Variants in NSG1 observed in about 807,000 individuals in gnomAD.
The protein encoded by NSG1 is neuronal vesicle trafficking-associated protein 1.
Under a neutral mutation model 19.3 loss-of-function variants are expected in NSG1, and 9 were observed. The observed-to-expected ratio is 0.47, with a 90% CI of 0.28 to 0.81. The LOEUF (loss-of-function observed/expected upper bound fraction) is 0.81, where lower values mean the gene tolerates loss of function less well. Among genes scored for constraint, NSG1 ranks in the 40% least tolerant of loss-of-function variants. NSG1 has a pLI of 0.11. For synonymous variants in NSG1, 104 were observed against 107.0 expected (o/e 0.97, Z 0.17); for missense variants, 236 against 242.4 (o/e 0.97, Z 0.18).
At chr4:4,411,525 C>G (rs1313116941) in intron 4 of NSG1, among the ~76,000 whole-genome samples, 3 of 152,144 alleles carry the variant, frequency 2.0e-5, no homozygotes, top group Non-Finnish European at 2.9e-5. Context: ...GGGTGGATCA[C>G]CTGAGGTCAG....
At chr4:4,414,153 G>C (rs897794467) in intron 4 of NSG1, among the ~76,000 whole-genome samples, 6 of 152,064 alleles carry the variant, frequency 3.9e-5, no homozygotes, top group East Asian at 3.9e-4. Flanking sequence ...CAGGGAGGAG[G>C]GGGTGGCTAA....
chr4:4,415,553 C>T (rs747942035), intron 4 of NSG1, among the ~76,000 whole-genome samples: 1 of 151,944 alleles, frequency 6.6e-6, no homozygotes, highest in African/African-American at 2.4e-5. Context: ...CCTTCACCCC[C>T]TGGGGTGCTC....
intron 3 of NSG1, among the ~76,000 whole-genome samples, chr4:4,408,889 C>G (rs561265221): frequency 1.2e-4 from 18 of 152,346 alleles, no homozygotes; most frequent in African/African-American, 4.1e-4. Context: ...CAGGCTGTCC[C>G]CCTCCAAGCC....
In NSG1 at chr4:4,417,482, G is replaced by A; in HGVS notation, c.*47G>A. On this transcript the variant is annotated 3_prime_UTR_variant, in exon 5 of 5. Transcript: ENST00000621129. ...AATGTGTCACTTGCAAATAACAAAG[G>A]GACTTTGAGGGACATTTCATTAAAT... The A allele has an allele frequency of 6.7e-7, 1 of 1,497,754 alleles. No individual in the cohort carries two copies. The highest frequency in any genetic ancestry group is 9.3e-7 in the Non-Finnish European group (1 of 1,075,954). The allele number at this position is 1,497,754 out of a possible 1,614,324, so 92.8% of individuals were successfully genotyped here. A position where few individuals can be genotyped will look rare whatever the true frequency, so the allele number is the denominator to read the frequency against.
At chr4:4,388,381 C>T (rs1457329217) in intron 2 of NSG1, among the ~76,000 whole-genome samples, 2 of 152,216 alleles carry the variant, frequency 1.3e-5, no homozygotes, top group Non-Finnish European at 2.9e-5. Context: ...CTGGGAAAAA[C>T]CATTCATCAA....
intron 2 of NSG1, among the ~76,000 whole-genome samples, chr4:4,389,332 C>T (rs1013135070): frequency 6.6e-5 from 10 of 152,226 alleles, no homozygotes; most frequent in Non-Finnish European, 8.8e-5. Flanking sequence ...GCTCTCTCTG[C>T]AAGCGTCCGA....
intron 4 of NSG1, chr4:4,415,735 T>A (rs1386043278): frequency 2.5e-5 from 5 of 198,048 alleles, no homozygotes; most frequent in Admixed American, 1.1e-4. Flanking sequence ...ACTCCACAGG[T>A]GTTGGCCGCA....
rs1161754574 is a variant in NSG1, at chr4:4,402,371, A to ATTTT, written c.247-7171_247-7168dup. On this transcript the variant is annotated intron_variant, in intron 3 of 4. Coordinates refer to ENST00000621129, the MANE Select transcript of NSG1 (RefSeq NM_014392.5). Reference sequence around the variant, plus strand: ...TAGACACGCAGCACCACGCCTGGTTATTTTTTTTTTTTTTTTTTTTTTTTT... The same window carrying ATTTT: ...TAGACACGCAGCACCACGCCTGGTTATTTTTTTTTTTTTTTTTTTTTTTTTTTTT... Among the ~76,000 whole-genome samples, 131 of 53,956 alleles carry ATTTT rather than the reference A, an allele frequency of 2.4e-3. 14 individuals are homozygous for ATTTT. Among genetic ancestry groups the ATTTT allele is most frequent in the African/African-American group, 4.9e-3 (81 of 16,508 alleles). The allele number at this position is 53,956 out of a possible 152,430, so 35.4% of individuals were successfully genotyped here.
At chr4:4,392,515 T>G (rs1227814060) in intron 3 of NSG1, among the ~76,000 whole-genome samples, 1 of 152,148 alleles carries the variant, frequency 6.6e-6, no homozygotes, top group Non-Finnish European at 1.5e-5. Flanking sequence ...CCAGAGCCCC[T>G]GTGGGTATGG....
At chr4:4,390,862 G>A (rs965726748) in intron 2 of NSG1, among the ~76,000 whole-genome samples, 7 of 151,780 alleles carry the variant, frequency 4.6e-5, no homozygotes, top group South Asian at 2.1e-4. Flanking sequence ...GACAAACATC[G>A]TTCTGCTTCA....
In NSG1 at chr4:4,402,368, G is replaced by GTTTTTTTTTTTTT. The variant is rs1560143233; in HGVS notation, c.247-7203_247-7202insTTTTTTTTTTTTT. Among the ~76,000 whole-genome samples the GTTTTTTTTTTTTT allele has an allele frequency of 2.0e-4, 20 of 99,638 alleles. 1 individual carries two copies. The highest frequency in any genetic ancestry group is 8.3e-4 in the African/African-American group (20 of 24,094). The allele number at this position is 99,638 out of a possible 152,430, so 65.4% of individuals were successfully genotyped here. On this transcript the variant is annotated intron_variant, in intron 3 of 4. Coordinates refer to ENST00000621129, the MANE Select transcript of NSG1 (RefSeq NM_014392.5). ...TTATAGACACGCAGCACCACGCCTG[G>GTTTTTTTTTTTTT]TTATTTTTTTTTTTTTTTTTTTTTT...
intron 4 of NSG1, among the ~76,000 whole-genome samples, chr4:4,413,765 G>C (rs1724359792): frequency 6.6e-6 from 1 of 152,006 alleles, no homozygotes; most frequent in African/African-American, 2.4e-5. Context: ...GGAGGCTGGA[G>C]ATTGGAAGGG....
At chr4:4,407,408 G>A (rs182172845) in intron 3 of NSG1, among the ~76,000 whole-genome samples, 55 of 152,224 alleles carry the variant, frequency 3.6e-4, no homozygotes, top group Non-Finnish European at 7.2e-4. Context: ...GGCGGGCGGT[G>A]GGATGTAGCA....
chr4:4,387,839 C>G (rs1722813691), intron 2 of NSG1, 81 bp downstream of exon 2: 2 of 1,195,444 alleles, frequency 1.7e-6, no homozygotes, highest in Non-Finnish European at 2.4e-6. Context: ...AGAAACGCGC[C>G]GCGTGCGCTG....
intron 3 of NSG1, among the ~76,000 whole-genome samples, chr4:4,395,199 C>T (rs1340361173): frequency 6.6e-6 from 1 of 152,216 alleles, no homozygotes; most frequent in Admixed American, 6.5e-5. Context: ...AGGCAGCCTC[C>T]AAAGTGCTGC....
intron 2 of NSG1, among the ~76,000 whole-genome samples, chr4:4,388,025 G>A (rs983061520): frequency 2.9e-5 from 3 of 105,010 alleles, no homozygotes; most frequent in Non-Finnish European, 6.7e-5. Flanking sequence ...GTTTTTCCTG[G>A]GAGCCTCATC....
At position 4,417,560 on chromosome 4, in the gene NSG1, T is replaced by C; in HGVS notation, c.*125T>C. The C allele has an allele frequency of 1.1e-6, 1 of 933,486 alleles. No homozygotes were observed. The highest frequency in any genetic ancestry group is 1.7e-5 in the South Asian group (1 of 59,476). The allele number at this position is 933,486 out of a possible 1,614,324, so 57.8% of individuals were successfully genotyped here. ...CATTTACGGTGCAATTGCTTCTGTT[T>C]GCTAATGCTGCTTTGCAAATAAAAC... On this transcript the variant is annotated 3_prime_UTR_variant, in exon 5 of 5. Coordinates refer to ENST00000621129, the MANE Select transcript of NSG1 (RefSeq NM_014392.5).
intron 4 of NSG1, among the ~76,000 whole-genome samples, chr4:4,413,732 G>C (rs1334062088): frequency 6.6e-6 from 1 of 151,818 alleles, no homozygotes; most frequent in African/African-American, 2.4e-5. Flanking sequence ...GGAAGTGATA[G>C]GGTGACCTCT....
At chr4:4,405,921 T>TG (rs1205297190) in intron 3 of NSG1, among the ~76,000 whole-genome samples, 1 of 152,146 alleles carries the variant, frequency 6.6e-6, no homozygotes, top group Non-Finnish European at 1.5e-5. Flanking sequence ...CAGGAGAGAA[T>TG]GGGGGTTCTT....
Sources: gnomAD v4.1 joint callset for allele counts (sites outside exome capture counted in the v4.1 genomes callset) on GRCh38, gnomAD v4.1.1 for gene constraint, MANE v1.5 for transcripts, NCBI Gene and HGNC (gene_info 2026-07-23, HGNC 2026-07-21) for gene names.